The following SAMD5 variants were observed in gnomAD, a reference collection of about 807,000 sequenced individuals.
The protein encoded by SAMD5 is sterile alpha motif domain containing 5.
SAMD5 carries 13 observed loss-of-function variants against 11.3 expected under a neutral mutation model. The observed-to-expected ratio is 1.15, with a 90% confidence interval of 0.75 to 1.83. SAMD5 has a LOEUF of 1.83. SAMD5 is among the 40% of genes most tolerant of loss of function. The pLI is 0.00. For missense variants in SAMD5, 255 were observed against 239.1 expected, an observed-to-expected ratio of 1.07 and a Z score of -0.44; for synonymous variants, 129 against 111.3, an observed-to-expected ratio of 1.16 and a Z score of -1.00.
At chr6:147,758,163 C>A in the SAMD5 span, among the ~76,000 whole-genome samples, 2,746 of 152,222 alleles carry the variant, frequency 0.018, 76 homozygotes, top group African/African-American at 0.063. Flanking sequence ...AAAAATACCC[C>A]ACTGGATTTA....
At chr6:147,788,682 A>G in the SAMD5 span, among the ~76,000 whole-genome samples, 1 of 152,330 alleles carries the variant, frequency 6.6e-6, no homozygotes, top group East Asian at 1.9e-4. Context: ...TCTAGAAAAT[A>G]TTAAGTACTA....
chr6:147,724,476 T>C (rs371028706), intron 1 of SAMD5, among the ~76,000 whole-genome samples: 1 of 152,364 alleles, frequency 6.6e-6, no homozygotes, highest in African/African-American at 2.4e-5. Flanking sequence ...TTCTTTTTAC[T>C]TGTTGCCTGA....
downstream of SAMD5, among the ~76,000 whole-genome samples, chr6:147,740,447 TCAC>T (rs895810634): frequency 1.1e-4 from 17 of 152,342 alleles, no homozygotes; most frequent in African/African-American, 3.6e-4. Flanking sequence ...AACCTAAATT[TCAC>T]CACAAGTTAC....
the SAMD5 span, among the ~76,000 whole-genome samples, chr6:147,867,675 T>A: frequency 6.6e-6 from 1 of 152,184 alleles, no homozygotes; most frequent in Admixed American, 6.5e-5. Flanking sequence ...AGATTACAGC[T>A]GTAGTGTGCA....
In SAMD5 at chr6:147,737,311, C is replaced by A. The variant is rs1014891629; in HGVS notation, c.163-6C>A. ...TTAAACTTCATTTCCTCTTTTTATGCTCCAGGTATTATTATGCCGCTACCT... is the reference window on the plus strand; with the variant it reads ...TTAAACTTCATTTCCTCTTTTTATGATCCAGGTATTATTATGCCGCTACCT... On this transcript the variant is annotated splice_polypyrimidine_tract_variant and splice_region_variant and intron_variant, in intron 1 of 1. Transcript: ENST00000566741. The A allele has an allele frequency of 2.3e-5, 28 of 1,219,188 alleles. No individual in the cohort carries two copies. In the African/African-American group the frequency reaches 4.0e-4, roughly 18 times the overall value. 75.5% of individuals were successfully genotyped at this position (1,219,188 alleles called of 1,614,324 possible).
chr6:147,716,483 C>T lies in SAMD5; in HGVS notation c.163-20834C>T, dbSNP rs905887630. On this transcript the variant is annotated intron_variant, in intron 1 of 1. Transcript: ENST00000566741. Reference sequence around the variant, plus strand: ...GCAACTGCAGCTGTGCCTGGGAAGGCGGGACTCCTGCCTGTTCCTGGCCCC... The same window carrying T: ...GCAACTGCAGCTGTGCCTGGGAAGGTGGGACTCCTGCCTGTTCCTGGCCCC... 3.9e-5 allele frequency among the ~76,000 whole-genome samples: 6 copies of T among 152,340 alleles called. No homozygotes were observed. The South Asian group carries it at 6.2e-4, about 16-fold the overall frequency.
At position 147,609,803 on chromosome 6, in the gene SAMD5, G is replaced by A. The variant is rs142354764; in HGVS notation, c.162+100416G>A. On this transcript the variant is annotated intron_variant, in intron 1 of 1. Coordinates refer to the SAMD5 transcript ENST00000566741. ...GAACTCCTGACCTCATGATCCGCCC[G>A]CCTCAGCCTCCCAAAGTGCTGGGAT... Among the ~76,000 whole-genome samples the A allele has an allele frequency of 3.6e-3, 546 of 152,110 alleles. 5 individuals carry two copies. Among genetic ancestry groups the A allele is most frequent in the African/African-American group, 0.013 (531 of 41,490 alleles).
At chr6:147,911,369 G>A in the SAMD5 span, among the ~76,000 whole-genome samples, 1 of 152,116 alleles carries the variant, frequency 6.6e-6, no homozygotes, top group African/African-American at 2.4e-5. Flanking sequence ...TCCACCATAT[G>A]AAGTTAACAC....
At chr6:147,578,689 G>T (rs1412079212) in intron 1 of SAMD5, among the ~76,000 whole-genome samples, 5 of 152,010 alleles carry the variant, frequency 3.3e-5, no homozygotes, top group Non-Finnish European at 1.5e-5. Flanking sequence ...AAACAATTTG[G>T]TGTTCATAAT....
chr6:147,934,233 A>G, the SAMD5 span, among the ~76,000 whole-genome samples: 3 of 152,212 alleles, frequency 2.0e-5, no homozygotes, highest in African/African-American at 4.8e-5. Context: ...ATTTTCCCAC[A>G]TAGCTAGAAG....
At chr6:147,577,262 A>G (rs929662303) in intron 1 of SAMD5, among the ~76,000 whole-genome samples, 2 of 152,238 alleles carry the variant, frequency 1.3e-5, no homozygotes, top group African/African-American at 4.8e-5. Context: ...TCTTATCTTT[A>G]TAAAACTTCC....
intron 1 of SAMD5, among the ~76,000 whole-genome samples, chr6:147,633,772 TTG>T (rs1237108084): frequency 5.3e-5 from 8 of 151,968 alleles, no homozygotes; most frequent in African/African-American, 1.7e-4. Context: ...ATCTTGCATT[TTG>T]TGTGTGTGTG....
At chr6:147,822,247 C>T in the SAMD5 span, among the ~76,000 whole-genome samples, 2 of 152,170 alleles carry the variant, frequency 1.3e-5, no homozygotes, top group Non-Finnish European at 2.9e-5. Flanking sequence ...TCTGTTTCCA[C>T]TTGTCAATTT....
chr6:147,636,915 A>T (rs1409246612), intron 1 of SAMD5, among the ~76,000 whole-genome samples: 1 of 150,328 alleles, frequency 6.7e-6, no homozygotes, highest in African/African-American at 2.4e-5. Context: ...GACTTAAGGA[A>T]TTTTTTTTTT....
intron 1 of SAMD5, among the ~76,000 whole-genome samples, chr6:147,589,277 A>C (rs1303521735): frequency 2.0e-5 from 3 of 152,102 alleles, no homozygotes; most frequent in Non-Finnish European, 4.4e-5. Context: ...TTATTTTAAC[A>C]ATGCCCGTTT....
At chr6:147,683,474 T>TTTCAA (rs1303402091) in intron 1 of SAMD5, among the ~76,000 whole-genome samples, 1 of 152,260 alleles carries the variant, frequency 6.6e-6, no homozygotes, top group African/African-American at 2.4e-5. Flanking sequence ...ATAACAAATA[T>TTTCAA]ATTACATGGG....
chr6:147,704,643 C>T (rs1477925922), intron 1 of SAMD5, among the ~76,000 whole-genome samples: 2 of 152,130 alleles, frequency 1.3e-5, no homozygotes, highest in Non-Finnish European at 2.9e-5. Flanking sequence ...TGATGATGGC[C>T]TTGGAAGAAA....
At chr6:147,831,682 A>G in the SAMD5 span, among the ~76,000 whole-genome samples, 2 of 152,342 alleles carry the variant, frequency 1.3e-5, no homozygotes, top group Non-Finnish European at 2.9e-5. Context: ...GATGTTTCAG[A>G]GTGTTTGTTT....
At chr6:147,546,275 A>G (rs917000671) in intron 1 of SAMD5, among the ~76,000 whole-genome samples, 1 of 152,192 alleles carries the variant, frequency 6.6e-6, no homozygotes, top group Non-Finnish European at 1.5e-5. Context: ...CACGCCTGTA[A>G]TCCCAGCACT....
Sources: gnomAD v4.1 joint callset for allele counts (sites outside exome capture counted in the v4.1 genomes callset) on GRCh38, gnomAD v4.1.1 for gene constraint, MANE v1.5 for transcripts, NCBI Gene and HGNC (gene_info 2026-07-23, HGNC 2026-07-21) for gene names.